Variants in HOMER1 observed in about 807,000 individuals in gnomAD.
The protein encoded by HOMER1 is homer scaffold protein 1.
A neutral mutation model predicts 48.9 loss-of-function variants in HOMER1; 3 were observed. The ratio of observed to expected loss-of-function variants is 0.06; its 90% CI spans 0.03 to 0.16. HOMER1 has a LOEUF of 0.16. Ranked by LOEUF, HOMER1 falls within the 10% of genes least tolerant of loss-of-function variation. HOMER1 has a pLI of 1.00. For missense variants in HOMER1, 247 were observed against 411.4 expected (o/e 0.60, Z 3.46); for synonymous variants, 134 against 146.4 (o/e 0.92, Z 0.61).
intron 1 of HOMER1, among the ~76,000 whole-genome samples, chr5:79,469,405 A>G (rs1463126404): frequency 1.3e-5 from 2 of 152,158 alleles, no homozygotes; most frequent in African/African-American, 2.4e-5. Context: ...TTTCTTTCCA[A>G]CATCCCTCAG....
At chr5:79,483,366 A>G (rs1485549992) in intron 1 of HOMER1, among the ~76,000 whole-genome samples, 4 of 152,314 alleles carry the variant, frequency 2.6e-5, no homozygotes, top group South Asian at 4.1e-4. Context: ...AATTTACCCA[A>G]GTGAATTTAG....
intron 8 of HOMER1, among the ~76,000 whole-genome samples, chr5:79,377,326 A>C (rs1748802381): frequency 1.3e-5 from 2 of 152,240 alleles, no homozygotes; most frequent in South Asian, 4.1e-4. Context: ...GTCTAAAAAA[A>C]TAAAATGACA....
chr5:79,450,526 G>A (rs1751001050), intron 3 of HOMER1, among the ~76,000 whole-genome samples: 1 of 152,128 alleles, frequency 6.6e-6, no homozygotes, highest in Non-Finnish European at 1.5e-5. Context: ...TCAGAGCTCG[G>A]AGTATTCCAC....
chr5:79,442,538 G>A (rs776026402), intron 4 of HOMER1, among the ~76,000 whole-genome samples: 2 of 152,190 alleles, frequency 1.3e-5, no homozygotes, highest in Non-Finnish European at 2.9e-5. Flanking sequence ...CAGCAGCACT[G>A]CCATGACCCA....
At chr5:79,387,389 A>C (rs1325242076) in intron 8 of HOMER1, among the ~76,000 whole-genome samples, 1 of 152,122 alleles carries the variant, frequency 6.6e-6, no homozygotes, top group South Asian at 2.1e-4. Context: ...TCAGCCTCCC[A>C]AAGTACTGGG....
intron 8 of HOMER1, among the ~76,000 whole-genome samples, chr5:79,379,476 A>AATATATAATATATATTTTATATAT (rs1561340870): frequency 1.2e-5 from 1 of 83,762 alleles, no homozygotes; most frequent in Non-Finnish European, 2.6e-5. Flanking sequence ...TTTTATATAT[A>AATATATAATATATATTTTATATAT]AATATATAAA....
intron 1 of HOMER1, among the ~76,000 whole-genome samples, chr5:79,492,907 CTTTTTTTTTT>C (rs558428061): frequency 1.1e-3 from 91 of 84,032 alleles, no homozygotes; most frequent in African/African-American, 3.4e-3. Context: ...AAAACTTTGT[CTTTTTTTTTT>C]TTTTTTTTTT....
intron 1 of HOMER1, among the ~76,000 whole-genome samples, chr5:79,462,102 G>T (rs1440379861): frequency 6.6e-6 from 1 of 152,032 alleles, no homozygotes; most frequent in Non-Finnish European, 1.5e-5. Context: ...AGGAGGCTGC[G>T]GCAGGAGAAT....
intron 2 of HOMER1, among the ~76,000 whole-genome samples, chr5:79,456,534 AT>A (rs1751182344): frequency 1.3e-5 from 2 of 152,236 alleles, no homozygotes; most frequent in Admixed American, 1.3e-4. Context: ...AGCTCCTAGA[AT>A]TCTAGACCAT....
At chr5:79,467,678 A>C (rs1488041067) in intron 1 of HOMER1, among the ~76,000 whole-genome samples, 1 of 152,210 alleles carries the variant, frequency 6.6e-6, no homozygotes, top group Non-Finnish European at 1.5e-5. Flanking sequence ...GAATATTTTA[A>C]ATTGCTCAAA....
At chr5:79,454,364 A>G (rs1214039024) in intron 2 of HOMER1, among the ~76,000 whole-genome samples, 1 of 151,870 alleles carries the variant, frequency 6.6e-6, no homozygotes, top group Non-Finnish European at 1.5e-5. Flanking sequence ...ACCTCTGTTA[A>G]CCCTCCTTTC....
At chr5:79,407,148 A>T (rs957969589) in intron 5 of HOMER1, among the ~76,000 whole-genome samples, 4 of 152,216 alleles carry the variant, frequency 2.6e-5, no homozygotes, top group African/African-American at 7.2e-5. Flanking sequence ...AACCATACCA[A>T]CAACAAAATC....
intron 1 of HOMER1, among the ~76,000 whole-genome samples, chr5:79,471,049 G>A (rs972336827): frequency 1.3e-5 from 2 of 152,148 alleles, no homozygotes; most frequent in Admixed American, 6.5e-5. Flanking sequence ...GAAAAAAAAA[G>A]TGGGGTGGGG....
chr5:79,509,999 G>T (rs185954866), intron 1 of HOMER1, among the ~76,000 whole-genome samples: 2 of 152,274 alleles, frequency 1.3e-5, no homozygotes, highest in Admixed American at 1.3e-4. Flanking sequence ...TTAAAGCCCT[G>T]TTTCCTTTTG....
At chr5:79,436,123 A>C (rs1750576204) in intron 5 of HOMER1, among the ~76,000 whole-genome samples, 1 of 144,958 alleles carries the variant, frequency 6.9e-6, no homozygotes, top group Non-Finnish European at 1.5e-5. Flanking sequence ...ACAGAGCGAG[A>C]CTCCGTCTCA....
At chr5:79,471,498 A>G (rs1235908129) in intron 1 of HOMER1, among the ~76,000 whole-genome samples, 1 of 149,086 alleles carries the variant, frequency 6.7e-6, no homozygotes, top group Non-Finnish European at 1.5e-5. Flanking sequence ...GTGAGCCGAG[A>G]TCATGCCATT....
intron 5 of HOMER1, among the ~76,000 whole-genome samples, chr5:79,424,642 T>C (rs1319871013): frequency 6.6e-6 from 1 of 152,078 alleles, no homozygotes; most frequent in Admixed American, 6.5e-5. Context: ...GTAAGTGTTC[T>C]CATATGACAA....
intron 1 of HOMER1, among the ~76,000 whole-genome samples, chr5:79,459,631 G>A (rs1483462037): frequency 6.6e-6 from 1 of 152,148 alleles, no homozygotes; most frequent in East Asian, 1.9e-4. Flanking sequence ...ACTAATAAAT[G>A]ATTCAAACTT....
chr5:79,400,523 AT>A (rs1458624382), intron 6 of HOMER1, among the ~76,000 whole-genome samples: 2 of 150,568 alleles, frequency 1.3e-5, no homozygotes, highest in African/African-American at 4.9e-5. Context: ...CACCCATCTA[AT>A]TTTTGTATTT....
Sources: allele counts gnomAD v4.1 joint callset (sites outside exome capture counted in the v4.1 genomes callset), GRCh38; gene constraint gnomAD v4.1.1; transcripts MANE v1.5; gene names NCBI Gene and HGNC (gene_info 2026-07-23, HGNC 2026-07-21).